Variants in ZDHHC14 observed in about 807,000 individuals in gnomAD.
ZDHHC14 encodes palmitoyltransferase ZDHHC14.
Under a neutral mutation model 47.7 loss-of-function variants are expected in ZDHHC14, and 16 were observed. The ratio of observed to expected loss-of-function variants is 0.34; its 90% CI spans 0.23 to 0.51. ZDHHC14 has a LOEUF of 0.51. Ranked by LOEUF, ZDHHC14 falls within the 20% of genes least tolerant of loss-of-function variation. ZDHHC14 has a pLI of 0.97. For synonymous variants in ZDHHC14, 293 were observed against 278.9 expected (o/e 1.05, Z -0.50); for missense variants, 515 against 662.5 (o/e 0.78, Z 2.44).
chr6:157,611,625 G>T (rs1784752651), intron 3 of ZDHHC14, among the ~76,000 whole-genome samples: 1 of 152,214 alleles, frequency 6.6e-6, no homozygotes, highest in Non-Finnish European at 1.5e-5. Flanking sequence ...TGTGCCTGCA[G>T]GTTGGAGACG....
chr6:157,627,557 G>T (rs183772440), intron 3 of ZDHHC14, among the ~76,000 whole-genome samples: 1 of 152,298 alleles, frequency 6.6e-6, no homozygotes, highest in Non-Finnish European at 1.5e-5. Flanking sequence ...GAGGCCTGGG[G>T]TCTGCACTTA....
intron 1 of ZDHHC14, among the ~76,000 whole-genome samples, chr6:157,510,512 T>C (rs1047344390): frequency 1.3e-5 from 2 of 152,156 alleles, no homozygotes; most frequent in African/African-American, 4.8e-5. Context: ...ACCAAGTCCC[T>C]CAGTGCTGGA....
In ZDHHC14 at chr6:157,463,510, A is replaced by C. The variant is rs573662450; in HGVS notation, c.246-79075A>C. ...TGCTCTCTATCACCCCCAACTCTTC[A>C]CCAGAGGGGTTGACAGTGACTGAGC... On this transcript the variant is annotated intron_variant, in intron 1 of 8. Coordinates refer to ENST00000359775, the MANE Select transcript of ZDHHC14 (RefSeq NM_024630.3). The surrounding 1 kb of genome is among the most constrained non-coding windows in gnomAD (Gnocchi z 4.4). Among the ~76,000 whole-genome samples the C allele has an allele frequency of 6.6e-6, 1 of 152,138 alleles. No homozygotes were observed. The highest frequency in any genetic ancestry group is 2.4e-5 in the African/African-American group (1 of 41,486).
chr6:157,471,450 G>A (rs1459053882), intron 1 of ZDHHC14, among the ~76,000 whole-genome samples: 1 of 151,514 alleles, frequency 6.6e-6, no homozygotes, highest in African/African-American at 2.4e-5. Flanking sequence ...CAGAACCCCC[G>A]AGGAAAGGAA....
At chr6:157,556,292 A>G (rs2047967) in intron 2 of ZDHHC14, among the ~76,000 whole-genome samples, 91,336 of 150,616 alleles carry the variant, frequency 0.61, 29,097 homozygotes, top group African/African-American at 0.82. Context: ...CCAGCACCCC[A>G]CAGCGCTCGC....
At chr6:157,528,984 A>G (rs944059649) in intron 1 of ZDHHC14, 2 of 153,366 alleles carry the variant, frequency 1.3e-5, no homozygotes. Flanking sequence ...TAATTCCTCA[A>G]CAGCACATGG....
chr6:157,465,383 A>C (rs1779187398), intron 1 of ZDHHC14, among the ~76,000 whole-genome samples: 1 of 152,088 alleles, frequency 6.6e-6, no homozygotes, highest in South Asian at 2.1e-4. Flanking sequence ...TGTCTCCTTG[A>C]GATCAGATCC....
At chr6:157,626,375 C>G (rs1272042941) in intron 3 of ZDHHC14, among the ~76,000 whole-genome samples, 1 of 152,134 alleles carries the variant, frequency 6.6e-6, no homozygotes, top group Non-Finnish European at 1.5e-5. Flanking sequence ...GCCTCCAAGT[C>G]TTAGGAAATT....
intron 1 of ZDHHC14, among the ~76,000 whole-genome samples, chr6:157,535,200 A>C (rs535138777): frequency 3.9e-5 from 6 of 152,286 alleles, no homozygotes; most frequent in Non-Finnish European, 8.8e-5. Context: ...CTGTTCACGC[A>C]AGTGCTTGAA....
intron 1 of ZDHHC14, among the ~76,000 whole-genome samples, chr6:157,420,708 T>G (rs1778083561): frequency 6.6e-6 from 1 of 152,188 alleles, no homozygotes; most frequent in South Asian, 2.1e-4. Flanking sequence ...CGAGCATAGG[T>G]CAGAACTTGG....
chr6:157,610,118 A>G (rs1784695773), intron 3 of ZDHHC14, among the ~76,000 whole-genome samples: 1 of 152,196 alleles, frequency 6.6e-6, no homozygotes, highest in African/African-American at 2.4e-5. Flanking sequence ...AGACAGCTGA[A>G]CTGGGCAGAT....
chr6:157,660,870 G>T (rs1392283756), intron 8 of ZDHHC14, among the ~76,000 whole-genome samples: 1 of 152,166 alleles, frequency 6.6e-6, no homozygotes. Flanking sequence ...AAAAACCTTA[G>T]GTCAGTTTCA....
chr6:157,592,130 C>T (rs768308687), intron 2 of ZDHHC14, among the ~76,000 whole-genome samples: 3 of 152,024 alleles, frequency 2.0e-5, no homozygotes, highest in Admixed American at 6.6e-5. Context: ...GAGAACAACC[C>T]GGGTCATTCT....
At chr6:157,522,965 CTTTTCTTTTCTTTT>C (rs1200827577) in intron 1 of ZDHHC14, among the ~76,000 whole-genome samples, 3 of 27,282 alleles carry the variant, frequency 1.1e-4, no homozygotes, top group East Asian at 1.1e-3. Context: ...TTCCTTCTTT[CTTTTCTTTTCTTTT>C]CTTTTTCTTT....
intron 1 of ZDHHC14, among the ~76,000 whole-genome samples, chr6:157,431,407 T>C (rs1418728226): frequency 6.6e-6 from 1 of 152,174 alleles, no homozygotes; most frequent in Non-Finnish European, 1.5e-5. Context: ...GTCACCCACC[T>C]CCATGGCAGG....
intron 1 of ZDHHC14, among the ~76,000 whole-genome samples, chr6:157,515,794 C>T (rs1317418718): frequency 1.3e-5 from 2 of 152,114 alleles, no homozygotes; most frequent in African/African-American, 2.4e-5. Flanking sequence ...CACAGATTCT[C>T]ACACCATCTC....
intron 1 of ZDHHC14, among the ~76,000 whole-genome samples, chr6:157,450,733 A>G (rs1013039603): frequency 6.6e-6 from 1 of 152,146 alleles, no homozygotes; most frequent in South Asian, 2.1e-4. Context: ...TTCAGCCCCC[A>G]TCCTTGGATT....
chr6:157,537,040 G>A lies in ZDHHC14; in HGVS notation c.246-5545G>A, dbSNP rs1344223653. 2.3e-5 allele frequency among the ~76,000 whole-genome samples: 3 copies of A among 131,522 alleles called. 1 individual carries two copies. The highest frequency in any genetic ancestry group is 8.4e-5 in the African/African-American group (3 of 35,588). 86.3% of individuals were successfully genotyped at this position (131,522 alleles called of 152,430 possible). ...TCACCGTTTTAGCCGGGATGGTCTC[G>A]ATCTCCTGACCTCGTGATCCGCCCG... On this transcript the variant is annotated intron_variant, in intron 1 of 8. Transcript: ENST00000359775.
intron 8 of ZDHHC14, among the ~76,000 whole-genome samples, chr6:157,664,854 G>T (rs566968861): frequency 4.9e-4 from 75 of 152,038 alleles, no homozygotes; most frequent in Non-Finnish European, 7.8e-4. Flanking sequence ...CGCAACCCTT[G>T]CCTACAGCCC....
Sources: gnomAD v4.1 joint callset for allele counts (sites outside exome capture counted in the v4.1 genomes callset) on GRCh38, gnomAD v4.1.1 for gene constraint, Gnocchi (gnomAD v3.1) non-coding constraint, MANE v1.5 for transcripts, NCBI Gene and HGNC (gene_info 2026-07-23, HGNC 2026-07-21) for gene names.